The following FRK variants were observed in gnomAD, a reference collection of about 807,000 sequenced individuals.
The protein encoded by FRK is fyn related Src family tyrosine kinase.
A neutral mutation model predicts 56.4 loss-of-function variants in FRK; 51 were observed. That is an observed-to-expected ratio of 0.90 (90% CI 0.72 to 1.14). The LOEUF (loss-of-function observed/expected upper bound fraction) is 1.14, where lower values mean the gene tolerates loss of function less well. Ranked by LOEUF, FRK falls within the 50% of genes most tolerant of loss-of-function variation. The pLI is 0.00. For missense variants in FRK, 570 were observed against 601.4 expected (o/e 0.95, Z 0.55); for synonymous variants, 245 against 217.9 (o/e 1.12, Z -1.10).
chr6:115,986,948 C>T (rs1248160508), intron 2 of FRK, among the ~76,000 whole-genome samples: 1 of 152,030 alleles, frequency 6.6e-6, no homozygotes, highest in East Asian at 1.9e-4. Flanking sequence ...ATTATCCAAA[C>T]AAACAAAACA....
Position 115,942,631 on chromosome 6 carries a change from A to C in FRK, c.1307-6T>G. On this transcript the variant is annotated splice_polypyrimidine_tract_variant and splice_region_variant and intron_variant, in intron 7 of 7. Coordinates refer to ENST00000606080, the MANE Select transcript of FRK (RefSeq NM_002031.3). ...TACCTGGGCACCTGTCATACCTTGAAAATACAGAACGAAACCAACAACAAC... is the reference window on the plus strand; with the variant it reads ...TACCTGGGCACCTGTCATACCTTGACAATACAGAACGAAACCAACAACAAC... 1.9e-6 allele frequency: 3 copies of C among 1,610,888 alleles called. No individual in the cohort carries two copies. Among genetic ancestry groups the C allele is most frequent in the Non-Finnish European group, 2.5e-6 (3 of 1,177,412 alleles).
rs894457903 is a variant in FRK, at chr6:116,016,189, C to T, written c.345-12191G>A. Among the ~76,000 whole-genome samples, 22 of 152,122 alleles carry T rather than the reference C, an allele frequency of 1.4e-4. 1 individual carries two copies. The highest frequency in any genetic ancestry group is 5.1e-4 in the African/African-American group (21 of 41,418). ...TGGTCTCATGGGCTGGGTACAGGGT[C>T]CTGCTGCTCTGTGCACCTTCTGGAC... is the stretch of plus-strand genomic sequence containing the variant. On this transcript the variant is annotated intron_variant, in intron 1 of 7. Transcript: ENST00000606080.
chr6:116,065,937 A>C, the FRK span, among the ~76,000 whole-genome samples: 1 of 152,232 alleles, frequency 6.6e-6, no homozygotes, highest in African/African-American at 2.4e-5. Context: ...CCTGTCTTTG[A>C]AGACAAGTTT....
rs1772344145 is a variant in FRK at position 115,944,539 on chromosome 6, T to C, written c.959-114A>G. 4.2e-6 allele frequency: 3 copies of C among 717,306 alleles called. No homozygotes were observed. The African/African-American group carries it at 5.4e-5, about 13-fold the overall frequency. 44.4% of individuals were successfully genotyped at this position (717,306 alleles called of 1,614,324 possible). A position where few individuals can be genotyped will look rare whatever the true frequency, so the allele number is the denominator to read the frequency against. On this transcript the variant is annotated intron_variant, in intron 5 of 7. Transcript: ENST00000606080. ...TCAGTGAGATTAAGTACAATGGCAC[T>C]GATCTGTTGAGCAAAATATATATAT...
At chr6:115,954,282 A>G (rs1772903483) in intron 5 of FRK, among the ~76,000 whole-genome samples, 1 of 152,230 alleles carries the variant, frequency 6.6e-6, no homozygotes, top group Non-Finnish European at 1.5e-5. Flanking sequence ...GAGGGAATAG[A>G]GAGCCAGGCC....
rs1044523027 is a variant in FRK at position 115,942,368 on chromosome 6, T to C, written c.*46A>G. The C allele has an allele frequency of 3.4e-6, 5 of 1,452,308 alleles. 1 individual carries two copies. The Admixed American group carries it at 8.4e-5, about 25-fold the overall frequency. The allele number at this position is 1,452,308 out of a possible 1,614,324, so 90.0% of individuals were successfully genotyped here. A position where few individuals can be genotyped will look rare whatever the true frequency, so the allele number is the denominator to read the frequency against. ...AACATTGTATTTTGGAATGGATTAT[T>C]TGAATTTGTTTTGCTACTTTATTAT... On this transcript the variant is annotated 3_prime_UTR_variant, in exon 8 of 8. Coordinates refer to ENST00000606080, the MANE Select transcript of FRK (RefSeq NM_002031.3).
At chr6:115,983,438 T>C (rs565393640) in intron 2 of FRK, among the ~76,000 whole-genome samples, 1 of 152,282 alleles carries the variant, frequency 6.6e-6, no homozygotes, top group Admixed American at 6.5e-5. Flanking sequence ...TTGGATAAAG[T>C]CTATTCTATG....
At chr6:116,038,095 G>C (rs1437017464) in intron 1 of FRK, among the ~76,000 whole-genome samples, 1 of 152,208 alleles carries the variant, frequency 6.6e-6, no homozygotes, top group Non-Finnish European at 1.5e-5. Context: ...CAATCAGCAT[G>C]AGAGCCACAG....
chr6:116,043,675 G>A (rs1462496234), intron 1 of FRK, among the ~76,000 whole-genome samples: 1 of 152,064 alleles, frequency 6.6e-6, no homozygotes, highest in African/African-American at 2.4e-5. Context: ...GCAATTAAAA[G>A]TATTAGAGAC....
chr6:116,089,431 T>C, the FRK span, among the ~76,000 whole-genome samples: 1 of 152,216 alleles, frequency 6.6e-6, no homozygotes, highest in South Asian at 2.1e-4. Flanking sequence ...GAATGCTGTA[T>C]TAGTTTGCTA....
At chr6:115,988,163 G>C (rs1774459267) in intron 2 of FRK, among the ~76,000 whole-genome samples, 1 of 152,088 alleles carries the variant, frequency 6.6e-6, no homozygotes, top group African/African-American at 2.4e-5. Context: ...TTTCTAAAAT[G>C]CATTATAAAT....
At chr6:115,958,523 G>A (rs201197628) in intron 4 of FRK, among the ~76,000 whole-genome samples, 3 of 151,632 alleles carry the variant, frequency 2.0e-5, no homozygotes, top group Admixed American at 6.6e-5. Flanking sequence ...AGCTACTCGG[G>A]AGGCTGAGGC....
chr6:116,002,798 G>A (rs1484287923), intron 2 of FRK: 24 of 435,524 alleles, frequency 5.5e-5, no homozygotes, highest in Middle Eastern at 3.3e-4. Context: ...GGCAACACCT[G>A]CCTCAAAACC....
intron 2 of FRK, among the ~76,000 whole-genome samples, chr6:115,986,886 C>G (rs1225134581): frequency 6.6e-6 from 1 of 152,080 alleles, no homozygotes; most frequent in Non-Finnish European, 1.5e-5. Flanking sequence ...TCCCTTCTAC[C>G]CCTGATAGCA....
Position 115,947,278 on chromosome 6 carries a change from A to T in FRK, c.959-2853T>A, listed in dbSNP as rs1341947056. 3.9e-5 allele frequency among the ~76,000 whole-genome samples: 6 copies of T among 152,002 alleles called. No individual in the cohort carries two copies. In the South Asian group the frequency reaches 1.0e-3, roughly 26 times the overall value. On this transcript the variant is annotated intron_variant, in intron 5 of 7. Coordinates refer to ENST00000606080, the MANE Select transcript of FRK (RefSeq NM_002031.3). ...GATATTTTTAATAAAAAATGAAATA[A>T]ATAGAGTCAAAAGAATTTTTTAAGG...
At chr6:116,016,759 T>C (rs1775672170) in intron 1 of FRK, among the ~76,000 whole-genome samples, 1 of 152,156 alleles carries the variant, frequency 6.6e-6, no homozygotes, top group Non-Finnish European at 1.5e-5. Flanking sequence ...TTTTAATAAT[T>C]TAGCCCTGTA....
chr6:115,959,384 AAC>A (rs1380821273), intron 4 of FRK, among the ~76,000 whole-genome samples: 1 of 152,172 alleles, frequency 6.6e-6, no homozygotes, highest in East Asian at 1.9e-4. Context: ...CTTAGAGAAC[AAC>A]GTTAGGAAGG....
At chr6:115,968,165 C>A (rs6906127) in intron 3 of FRK, among the ~76,000 whole-genome samples, 39,900 of 151,986 alleles carry the variant, frequency 0.26, 6,381 homozygotes, top group East Asian at 0.63. Flanking sequence ...TTTTTCATTT[C>A]TTTATTTGTT....
Position 115,936,240 on chromosome 6 carries a change from C to G in FRK, c.*6174G>C. Reference sequence around the variant, plus strand: ...CCTCCAGCAAACTCCAGCAGACCTGCAGCAGAGGGCACTAACTCTTAGAAG... The same window carrying G: ...CCTCCAGCAAACTCCAGCAGACCTGGAGCAGAGGGCACTAACTCTTAGAAG... On this transcript the variant is annotated 3_prime_UTR_variant, in exon 8 of 8. Transcript: ENST00000606080. The G allele has an allele frequency of 6.5e-6, 1 of 154,136 alleles. No homozygotes were observed. The highest frequency in any genetic ancestry group is 1.4e-5 in the Non-Finnish European group (1 of 69,548). 9.5% of individuals were successfully genotyped at this position (154,136 alleles called of 1,614,324 possible).
Sources: gnomAD v4.1 joint callset for allele counts (sites outside exome capture counted in the v4.1 genomes callset) on GRCh38, gnomAD v4.1.1 for gene constraint, MANE v1.5 for transcripts, NCBI Gene and HGNC (gene_info 2026-07-23, HGNC 2026-07-21) for gene names.